FAAH2: variants seen among roughly 807,000 people sequenced by gnomAD.
FAAH2 encodes fatty acid amide hydrolase 2, also known as fatty-acid amide hydrolase 2.
FAAH2 carries 60 observed loss-of-function variants against 36.9 expected under a neutral mutation model. The ratio of observed to expected loss-of-function variants is 1.63; its 90% confidence interval spans 1.32 to 2.02. FAAH2 has a LOEUF of 2.02. Among genes scored for constraint, FAAH2 ranks in the 30% most tolerant of loss-of-function variants. The pLI is 0.00. For missense variants in FAAH2, 689 were observed against 397.5 expected (o/e 1.73, Z -6.23); for synonymous variants, 214 against 143.8 (o/e 1.49, Z -3.49).
intron 7 of FAAH2, among the ~76,000 whole-genome samples, chrX:57,383,026 G>A (rs747918867): frequency 2.5e-4 from 28 of 111,338 alleles, no homozygotes; most frequent in Admixed American, 2.0e-3. Flanking sequence ...TTTAACATAC[G>A]CAAATCAATA....
chrX:57,349,498 T>C (rs1317507487), intron 5 of FAAH2, among the ~76,000 whole-genome samples: 1 of 102,274 alleles, frequency 9.8e-6, no homozygotes, highest in Non-Finnish European at 2.0e-5. Flanking sequence ...TACACATATA[T>C]ACATATATAC....
At chrX:57,286,700 G>A, upstream of FAAH2, 1 of 665,105 alleles carries the variant, frequency 1.5e-6, no homozygotes, top group Admixed American at 5.4e-5. Flanking sequence ...CTGTGGAATT[G>A]TGGGTAGACA....
the FAAH2 span, among the ~76,000 whole-genome samples, chrX:57,191,371 T>C: frequency 1.8e-5 from 2 of 111,879 alleles, no homozygotes; most frequent in African/African-American, 6.5e-5. Flanking sequence ...TTGAGCTCCT[T>C]ATATATTGTG....
chrX:57,404,410 C>T (rs2055516241), intron 7 of FAAH2, among the ~76,000 whole-genome samples: 1 of 111,902 alleles, frequency 8.9e-6, no homozygotes, highest in Admixed American at 9.5e-5. Context: ...GAATATGTGC[C>T]TCCCTTTTAT....
chrX:57,205,294 T>C, the FAAH2 span, among the ~76,000 whole-genome samples: 154 of 112,771 alleles, frequency 1.4e-3, no homozygotes, highest in Non-Finnish European at 2.4e-3. Flanking sequence ...ATTGGTTAAA[T>C]TGTGAAAATG....
At chrX:57,332,601 A>G (rs982932314) in intron 4 of FAAH2, among the ~76,000 whole-genome samples, 1 of 111,721 alleles carries the variant, frequency 9.0e-6, no homozygotes, top group East Asian at 2.8e-4. Flanking sequence ...CCTAAGCTAT[A>G]ACTGATGACT....
At chrX:57,172,602 G>A in the FAAH2 span, among the ~76,000 whole-genome samples, 4 of 112,474 alleles carry the variant, frequency 3.6e-5, no homozygotes, top group African/African-American at 6.5e-5. Context: ...TGGTGTACTA[G>A]AAGAATTGAA....
chrX:57,419,309 G>T (rs2055939859), intron 7 of FAAH2, among the ~76,000 whole-genome samples: 1 of 110,614 alleles, frequency 9.0e-6, no homozygotes, highest in African/African-American at 3.3e-5. Context: ...TTCCACAATG[G>T]TTGAACTAGT....
intron 10 of FAAH2, among the ~76,000 whole-genome samples, chrX:57,456,777 G>A (rs1416810589): frequency 9.0e-6 from 1 of 111,114 alleles, no homozygotes; most frequent in Non-Finnish European, 1.9e-5. Context: ...TAAATAACAA[G>A]TTCAGAAATT....
chrX:57,140,598 C>CAA, the FAAH2 span, among the ~76,000 whole-genome samples: 122 of 58,805 alleles, frequency 2.1e-3, 1 homozygote, highest in East Asian at 0.024. Flanking sequence ...GACCCCGTCT[C>CAA]AAAAAAAAAA....
the FAAH2 span, among the ~76,000 whole-genome samples, chrX:57,200,082 C>T: frequency 9.0e-6 from 1 of 111,023 alleles, no homozygotes; most frequent in African/African-American, 3.3e-5. Flanking sequence ...AGTCTATTTA[C>T]ATTCAATGTT....
At chrX:57,140,894 A>T in the FAAH2 span, among the ~76,000 whole-genome samples, 14 of 111,728 alleles carry the variant, frequency 1.3e-4, no homozygotes, top group African/African-American at 4.6e-4. Flanking sequence ...TATTTGGGTG[A>T]TGGGTTCAGT....
At chrX:57,374,254 T>C (rs773329188) in intron 5 of FAAH2, among the ~76,000 whole-genome samples, 176 of 111,803 alleles carry the variant, frequency 1.6e-3, no homozygotes, top group South Asian at 3.3e-3. Flanking sequence ...TGAAGAATGA[T>C]CATGGTATTT....
the FAAH2 span, among the ~76,000 whole-genome samples, chrX:57,146,440 C>T: frequency 1.3e-4 from 15 of 111,796 alleles, no homozygotes; most frequent in Admixed American, 1.4e-3. Flanking sequence ...TTGCTGAATT[C>T]ATTTATCAGT....
chrX:57,381,006 G>A lies in FAAH2; in HGVS notation c.973G>A (p.Asp325Asn), dbSNP rs1242684991. 8.4e-7 allele frequency: 1 copy of A among 1,183,889 alleles called. No individual in the cohort carries two copies. Among genetic ancestry groups the A allele is most frequent in the East Asian group, 3.0e-5 (1 of 33,355 alleles). ...ATTTTTAATGTCCAAAGTGGACCAA[G>A]ATCTCATTATGACTCAGAAAAAGGT... ...GSFLMSKVDQ[D>N]LIMTQKKVVV... Residue 325 changes from aspartate (D) to asparagine (N), a missense_variant, in exon 7 of 11, where the codon GAT (aspartate) becomes AAT (asparagine). Coordinates refer to ENST00000374900, the MANE Select transcript of FAAH2 (RefSeq NM_174912.4).
At chrX:57,361,871 T>A (rs1330472260) in intron 5 of FAAH2, among the ~76,000 whole-genome samples, 1 of 111,540 alleles carries the variant, frequency 9.0e-6, no homozygotes, top group Non-Finnish European at 1.9e-5. Flanking sequence ...TCTGGAAAAC[T>A]CATTATATTT....
At chrX:57,156,193 G>A in the FAAH2 span, among the ~76,000 whole-genome samples, 1 of 111,982 alleles carries the variant, frequency 8.9e-6, no homozygotes, top group Admixed American at 9.5e-5. Flanking sequence ...TCTGTCAATT[G>A]AATTTTTCAG....
At chrX:57,149,296 G>GT in the FAAH2 span, among the ~76,000 whole-genome samples, 68 of 111,550 alleles carry the variant, frequency 6.1e-4, no homozygotes, top group African/African-American at 2.0e-3. Flanking sequence ...AGGATTCCCT[G>GT]TTTTTCTATT....
intron 5 of FAAH2, among the ~76,000 whole-genome samples, chrX:57,374,621 G>C (rs753215837): frequency 6.3e-5 from 7 of 111,068 alleles, no homozygotes; most frequent in Non-Finnish European, 1.1e-4. Flanking sequence ...GAGTTTTTAG[G>C]GTTTTCTAGG....
Sources: gnomAD v4.1 joint callset for allele counts (sites outside exome capture counted in the v4.1 genomes callset) on GRCh38, gnomAD v4.1.1 for gene constraint, MANE v1.5 for transcripts, NCBI Gene and HGNC (gene_info 2026-07-23, HGNC 2026-07-21) for gene names.